DLGAP2: variants seen among roughly 807,000 people sequenced by gnomAD.
The protein encoded by DLGAP2 is DLG associated protein 2.
A neutral mutation model predicts 100.3 loss-of-function variants in DLGAP2; 26 were observed. That is an observed-to-expected ratio of 0.26 (90% CI 0.19 to 0.36). The LOEUF (loss-of-function observed/expected upper bound fraction) is 0.36. DLGAP2 is among the 10% of genes least tolerant of loss of function. The pLI is 1.00. For missense variants in DLGAP2, 1,858 were observed against 1,453.2 expected (o/e 1.28, Z -4.53); for synonymous variants, 886 against 630.1 (o/e 1.41, Z -6.08).
At chr8:904,326 CT>C (rs1310889290) in intron 1 of DLGAP2, among the ~76,000 whole-genome samples, 1 of 152,154 alleles carries the variant, frequency 6.6e-6, no homozygotes, top group African/African-American at 2.4e-5. Context: ...TTGAGACCAG[CT>C]TGGCCAATGT....
intron 2 of DLGAP2, among the ~76,000 whole-genome samples, chr8:1,078,818 G>A (rs1035676995): frequency 1.1e-4 from 17 of 152,098 alleles, no homozygotes; most frequent in Non-Finnish European, 1.0e-4. Context: ...GAAGGACATC[G>A]CAGTTGCTTC....
intron 3 of DLGAP2, among the ~76,000 whole-genome samples, chr8:1,281,873 T>C (rs1201098040): frequency 6.6e-6 from 1 of 152,210 alleles, no homozygotes; most frequent in East Asian, 1.9e-4. Context: ...TGATCTGCCC[T>C]GGAAGAGACG....
At chr8:1,202,151 T>C (rs1585147693) in intron 2 of DLGAP2, among the ~76,000 whole-genome samples, 2 of 118,610 alleles carry the variant, frequency 1.7e-5, no homozygotes, top group East Asian at 4.7e-4. Context: ...TATACACATG[T>C]GGTGTGTACA....
intron 3 of DLGAP2, among the ~76,000 whole-genome samples, chr8:1,498,463 G>A (rs571039118): frequency 7.9e-5 from 12 of 152,206 alleles, no homozygotes; most frequent in Admixed American, 6.5e-4. Flanking sequence ...AGTCAGGTTG[G>A]AAAGTGAGCC....
At chr8:794,625 A>C (rs554470791) in intron 1 of DLGAP2, among the ~76,000 whole-genome samples, 8 of 152,078 alleles carry the variant, frequency 5.3e-5, no homozygotes, top group African/African-American at 1.9e-4. Context: ...TGGGCAGGCC[A>C]GGTGTTCCTT....
intron 2 of DLGAP2, among the ~76,000 whole-genome samples, chr8:949,395 C>G (rs1337747172): frequency 6.6e-6 from 1 of 152,166 alleles, no homozygotes; most frequent in East Asian, 1.9e-4. Flanking sequence ...CACGGATTGG[C>G]TGGGGCCGCC....
chr8:801,663 C>T (rs1796154264), intron 1 of DLGAP2, among the ~76,000 whole-genome samples: 1 of 152,170 alleles, frequency 6.6e-6, no homozygotes, highest in Non-Finnish European at 1.5e-5. Context: ...TTCTCCTGTG[C>T]AGCGGGCTTC....
intron 1 of DLGAP2, among the ~76,000 whole-genome samples, chr8:863,207 T>C (rs1485207807): frequency 1.3e-5 from 2 of 152,176 alleles, no homozygotes; most frequent in African/African-American, 2.4e-5. Flanking sequence ...GAAGGGGCAG[T>C]GGCAGGATTG....
chr8:1,625,040 T>G (rs777599096), intron 6 of DLGAP2, among the ~76,000 whole-genome samples: 14 of 152,216 alleles, frequency 9.2e-5, no homozygotes, highest in Non-Finnish European at 2.1e-4. Context: ...GAGTCCAGTT[T>G]TTTTTCTCTG....
At chr8:1,054,173 TGCACGCACACATGTACAC>T (rs1802804481) in intron 2 of DLGAP2, among the ~76,000 whole-genome samples, 2 of 152,066 alleles carry the variant, frequency 1.3e-5, no homozygotes, top group Admixed American at 6.6e-5. Context: ...CAGGCATGAA[TGCACGCACACATGTACAC>T]GCACGCACAC....
At chr8:1,463,443 A>G (rs1798516683) in intron 3 of DLGAP2, among the ~76,000 whole-genome samples, 1 of 152,168 alleles carries the variant, frequency 6.6e-6, no homozygotes, top group Non-Finnish European at 1.5e-5. Context: ...GGGACCACCC[A>G]TGCTCCCCAG....
At chr8:1,473,873 CA>C (rs1471563561) in intron 3 of DLGAP2, among the ~76,000 whole-genome samples, 1 of 152,152 alleles carries the variant, frequency 6.6e-6, no homozygotes. Flanking sequence ...TTTCACCTTC[CA>C]CCATGATTGT....
intron 2 of DLGAP2, among the ~76,000 whole-genome samples, chr8:1,113,611 G>A (rs372733890): frequency 6.6e-6 from 1 of 152,124 alleles, no homozygotes; most frequent in African/African-American, 2.4e-5. Context: ...CAAGACTGGG[G>A]TTTTCTAGAT....
At chr8:1,009,458 A>G (rs1195865966) in intron 2 of DLGAP2, among the ~76,000 whole-genome samples, 1 of 152,202 alleles carries the variant, frequency 6.6e-6, no homozygotes, top group African/African-American at 2.4e-5. Flanking sequence ...ACCCTAGGAC[A>G]GACTTTTGGT....
intron 3 of DLGAP2, among the ~76,000 whole-genome samples, chr8:1,498,375 T>C (rs1799611405): frequency 1.0e-5 from 1 of 98,462 alleles, no homozygotes; most frequent in Admixed American, 1.2e-4. Context: ...TACGGCAAAA[T>C]AAATAAAAAA....
intron 12 of DLGAP2, among the ~76,000 whole-genome samples, chr8:1,682,928 T>C (rs1336100839): frequency 6.6e-6 from 1 of 151,606 alleles, no homozygotes; most frequent in Non-Finnish European, 1.5e-5. Context: ...TTTTGTTTTG[T>C]TTTGTCTTGT....
chr8:1,349,059 G>GC (rs1221392206), intron 3 of DLGAP2, among the ~76,000 whole-genome samples: 1 of 151,692 alleles, frequency 6.6e-6, no homozygotes, highest in Non-Finnish European at 1.5e-5. Context: ...GCGGCCACTT[G>GC]CTCCTGCCAA....
chr8:1,634,523 T>C (rs1049481292), intron 8 of DLGAP2, among the ~76,000 whole-genome samples: 4 of 152,206 alleles, frequency 2.6e-5, no homozygotes, highest in African/African-American at 9.7e-5. Context: ...CTCCTGCCCC[T>C]TGGTGAAGTC....
intron 3 of DLGAP2, among the ~76,000 whole-genome samples, chr8:1,373,441 C>T (rs1245980232): frequency 6.6e-6 from 1 of 152,178 alleles, no homozygotes; most frequent in Non-Finnish European, 1.5e-5. Context: ...GGGGGCCGGA[C>T]AGAGAGCCGT....
Sources: allele counts gnomAD v4.1 joint callset (sites outside exome capture counted in the v4.1 genomes callset), GRCh38; gene constraint gnomAD v4.1.1; transcripts MANE v1.5; gene names NCBI Gene and HGNC (gene_info 2026-07-23, HGNC 2026-07-21).